Variants in RYR3 observed in about 807,000 individuals in gnomAD.
RYR3 encodes the protein brain ryanodine receptor-calcium release channel.
In RYR3, 207 loss-of-function variants were observed where a neutral mutation model predicts 584.3. The ratio of observed to expected loss-of-function variants is 0.35; its 90% CI spans 0.32 to 0.40. RYR3 has a LOEUF of 0.40. Ranked by LOEUF, RYR3 falls within the 10% of genes least tolerant of loss-of-function variation. The probability of loss-of-function intolerance (pLI) is 1.00; values close to 1 mark genes in which losing one functional copy is unlikely to be tolerated. For missense variants in RYR3, 5,616 were observed against 6,089.2 expected, an observed-to-expected ratio of 0.92 and a Z score of 2.59; for synonymous variants, 2,416 against 2,248.5, an observed-to-expected ratio of 1.07 and a Z score of -2.11.
rs369762359 is a variant in RYR3, at chr15:33,744,641, A to G, written c.7900-1427A>G. ...GTTGGTGACATCTACAGCATTTGCT[A>G]AAGGATGAGTGGGAGCCATTTGTCA... On this transcript the variant is annotated intron_variant, in intron 52 of 103. Coordinates refer to ENST00000634891, the MANE Select transcript of RYR3 (RefSeq NM_001036.6). Among the ~76,000 whole-genome samples, 29 of 152,308 alleles carry G rather than the reference A, an allele frequency of 1.9e-4. No individual in the cohort carries two copies. In the East Asian group the frequency reaches 4.8e-3, roughly 25 times the overall value.
chr15:33,536,471 C>T (rs1357932218), intron 5 of RYR3, among the ~76,000 whole-genome samples: 1 of 152,214 alleles, frequency 6.6e-6, no homozygotes, highest in African/African-American at 2.4e-5. Context: ...AGCATACCCA[C>T]ACTAAAAGTG....
chr15:33,693,044 T>C (rs1466759149), intron 38 of RYR3, among the ~76,000 whole-genome samples: 6 of 152,226 alleles, frequency 3.9e-5, no homozygotes, highest in Non-Finnish European at 8.8e-5. Context: ...GCATGTATTA[T>C]ATCTGCAGAG....
chr15:33,777,775 G>A (rs1011145532), intron 64 of RYR3, among the ~76,000 whole-genome samples: 5 of 123,590 alleles, frequency 4.0e-5, no homozygotes, highest in Non-Finnish European at 8.5e-5. Flanking sequence ...TTTAATTTTG[G>A]TCAAAGAAAG....
chr15:33,333,492 A>C (rs538797110), intron 1 of RYR3, among the ~76,000 whole-genome samples: 5 of 152,344 alleles, frequency 3.3e-5, no homozygotes, highest in African/African-American at 1.2e-4. Flanking sequence ...GTAAAATTCA[A>C]CATCCTTTCA....
At chr15:33,668,378 G>A (rs1355888558) in intron 36 of RYR3, among the ~76,000 whole-genome samples, 1 of 151,790 alleles carries the variant, frequency 6.6e-6, no homozygotes, top group Non-Finnish European at 1.5e-5. Flanking sequence ...CCAAAAGCTG[G>A]GCCAATACAT....
At position 33,601,443 on chromosome 15, in the gene RYR3, T is replaced by G. The variant is rs747732528; in HGVS notation, c.1813T>G (p.Cys605Gly). The change falls in exon 17 of 104, where the codon TGT becomes GGT. Residue 605 changes from cysteine (C) to glycine (G), a missense_variant. Cys to Gly is a radical substitution (Grantham distance 159, BLOSUM62 -3). This residue lies in a region of RYR3 where 1,284 missense variants were observed against 1,344.6 expected (regional missense o/e 0.95). Transcript: ENST00000634891. ...GGTTCTGGATATCCTGTGCTCCCTC[T>G]GTCTCTGCAATGGGGTTGCAGTGAG... The part of the protein sequence containing the change: ...HKVLDILCSL[C>G]LCNGVAVRAN... 2 of 1,613,112 alleles carry G rather than the reference T, an allele frequency of 1.2e-6. No homozygotes were observed. Among genetic ancestry groups the G allele is most frequent in the Non-Finnish European group, 1.7e-6 (2 of 1,179,622 alleles).
intron 1 of RYR3, among the ~76,000 whole-genome samples, chr15:33,313,334 G>A (rs1967623316): frequency 6.6e-6 from 1 of 152,156 alleles, no homozygotes; most frequent in South Asian, 2.1e-4. Context: ...CTAGAGCCTG[G>A]CATTGAGCGT....
intron 43 of RYR3, among the ~76,000 whole-genome samples, chr15:33,715,809 A>T (rs571970322): frequency 6.6e-6 from 1 of 152,262 alleles, no homozygotes; most frequent in African/African-American, 2.4e-5. Flanking sequence ...TCAATTTTAA[A>T]CCCTTTTATA....
chr15:33,768,129 C>T (rs2073253807), intron 60 of RYR3, among the ~76,000 whole-genome samples: 1 of 152,204 alleles, frequency 6.6e-6, no homozygotes, highest in Non-Finnish European at 1.5e-5. Flanking sequence ...ACAGAGAATA[C>T]ACAATTCTTA....
chr15:33,544,164 G>A (rs768552505), intron 8 of RYR3, among the ~76,000 whole-genome samples: 7 of 152,116 alleles, frequency 4.6e-5, no homozygotes, highest in Non-Finnish European at 1.0e-4. Context: ...TGCCAAGGAC[G>A]ATGTGTTCTT....
At chr15:33,555,056 G>GT (rs2141290803) in intron 10 of RYR3, among the ~76,000 whole-genome samples, 1 of 152,312 alleles carries the variant, frequency 6.6e-6, no homozygotes, top group Non-Finnish European at 1.5e-5. Context: ...AGCTATCACT[G>GT]TTCCCAATTA....
chr15:33,724,121 T>C lies in RYR3; in HGVS notation c.6857T>C (p.Met2286Thr), dbSNP rs1318795495. Reference sequence around the variant, plus strand: ...ATCGTGCATATGGGCAATGCAATTATGTCATTTTATTCGGCCCTTATAGAT... The same window carrying C: ...ATCGTGCATATGGGCAATGCAATTACGTCATTTTATTCGGCCCTTATAGAT... Reference protein sequence around the residue: ...EEIVHMGNAIMSFYSALIDLL... With the variant: ...EEIVHMGNAITSFYSALIDLL... Residue 2286 changes from methionine to threonine, a missense_variant, in exon 45 of 104, where the codon ATG becomes ACG. Met to Thr is a moderately conservative substitution (Grantham distance 81). This residue lies in a region of RYR3 where 1,280 missense variants were observed against 1,426.2 expected (regional missense o/e 0.90). Coordinates refer to ENST00000634891, the MANE Select transcript of RYR3 (RefSeq NM_001036.6). The C allele has an allele frequency of 2.5e-6, 4 of 1,613,396 alleles. No individual in the cohort carries two copies. Among genetic ancestry groups the C allele is most frequent in the South Asian group, 1.1e-5 (1 of 90,952 alleles).
At position 33,522,958 on chromosome 15, in the gene RYR3, T is replaced by C. The variant is rs1182157598; in HGVS notation, c.280-7634T>C. On this transcript the variant is annotated intron_variant, in intron 3 of 103. Transcript: ENST00000634891. ...TACCAGATGTTTACAATTCAAGGCC[T>C]GTTTGGAAAATGCCCCATCAGTTCC... is the stretch of plus-strand genomic sequence containing the variant. Among the ~76,000 whole-genome samples the C allele has an allele frequency of 4.6e-5, 7 of 152,288 alleles. No individual in the cohort carries two copies. The South Asian group carries it at 1.5e-3, about 32-fold the overall frequency.
intron 1 of RYR3, among the ~76,000 whole-genome samples, chr15:33,395,838 C>G (rs2042262822): frequency 6.6e-6 from 1 of 152,194 alleles, no homozygotes; most frequent in Non-Finnish European, 1.5e-5. Flanking sequence ...GTTCCAGGAC[C>G]TCCCACAGAT....
chr15:33,499,174 C>CCTCCCTCTCT (rs1324016545), intron 2 of RYR3, among the ~76,000 whole-genome samples: 2 of 151,050 alleles, frequency 1.3e-5, no homozygotes, highest in Admixed American at 6.6e-5. Flanking sequence ...TGCTTACTCC[C>CCTCCCTCTCT]CTCCCTCTCT....
At chr15:33,327,399 C>T (rs1168820850) in intron 1 of RYR3, among the ~76,000 whole-genome samples, 1 of 152,200 alleles carries the variant, frequency 6.6e-6, no homozygotes, top group Non-Finnish European at 1.5e-5. Flanking sequence ...TAGTGTGGTA[C>T]AACCATTGTT....
chr15:33,601,710 A>G (rs1409551663), intron 17 of RYR3, among the ~76,000 whole-genome samples, 158 bp downstream of exon 17: 1 of 152,152 alleles, frequency 6.6e-6, no homozygotes, highest in Non-Finnish European at 1.5e-5. Flanking sequence ...TGCATTTCCT[A>G]TGACTAGGGC....
chr15:33,443,072 A>G (rs2046357230), intron 1 of RYR3, among the ~76,000 whole-genome samples: 2 of 152,194 alleles, frequency 1.3e-5, no homozygotes, highest in Non-Finnish European at 2.9e-5. Flanking sequence ...CAGCCTGGCC[A>G]GCATGGTGAA....
At chr15:33,726,571 CTG>C in intron 46 of RYR3, 65 bp downstream of exon 46, 5 of 1,499,802 alleles carry the variant, frequency 3.3e-6, no homozygotes, top group Non-Finnish European at 4.5e-6. Context: ...GGGCAGGACT[CTG>C]TCCCCAGCAC....
Sources: allele counts gnomAD v4.1 joint callset (sites outside exome capture counted in the v4.1 genomes callset), GRCh38; gene constraint gnomAD v4.1.1; regional missense constraint gnomAD v4.1.1; transcripts MANE v1.5; gene names NCBI Gene and HGNC (gene_info 2026-07-23, HGNC 2026-07-21).